SLC6A11: variants seen among roughly 807,000 people sequenced by gnomAD.
SLC6A11 encodes sodium- and chloride-dependent GABA transporter 3.
Under a neutral mutation model 74.8 loss-of-function variants are expected in SLC6A11, and 25 were observed. The ratio of observed to expected loss-of-function variants is 0.33; its 90% CI spans 0.24 to 0.47. The LOEUF (loss-of-function observed/expected upper bound fraction) is 0.47. Among genes scored for constraint, SLC6A11 ranks in the 20% least tolerant of loss-of-function variants. The probability of loss-of-function intolerance (pLI) is 1.00; values close to 1 mark genes in which losing one functional copy is unlikely to be tolerated. For synonymous variants in SLC6A11, 330 were observed against 330.2 expected, an observed-to-expected ratio of 1.00 and a Z score of 0.01; for missense variants, 574 against 837.0, an observed-to-expected ratio of 0.69 and a Z score of 3.88.
At chr3:10,865,928 A>T (rs2106597685) in intron 5 of SLC6A11, among the ~76,000 whole-genome samples, 1 of 152,340 alleles carries the variant, frequency 6.6e-6, no homozygotes, top group East Asian at 1.9e-4. Flanking sequence ...TTTGGTGAGA[A>T]ACAACAAAAC....
At chr3:10,846,145 A>G (rs76270317) in intron 5 of SLC6A11, among the ~76,000 whole-genome samples, 2,772 of 152,312 alleles carry the variant, frequency 0.018, 70 homozygotes, top group South Asian at 0.11. Context: ...GTGAATGCTG[A>G]GTAAGTGGCA....
At chr3:10,860,427 G>GCTC (rs1380404039) in intron 5 of SLC6A11, among the ~76,000 whole-genome samples, 1 of 152,212 alleles carries the variant, frequency 6.6e-6, no homozygotes, top group Non-Finnish European at 1.5e-5. Flanking sequence ...CTGGGAACAA[G>GCTC]TGGGACAGCC....
chr3:10,874,194 G>T (rs1336897361), intron 5 of SLC6A11, among the ~76,000 whole-genome samples: 1 of 152,238 alleles, frequency 6.6e-6, no homozygotes, highest in Non-Finnish European at 1.5e-5. Flanking sequence ...TTTAAAAAAA[G>T]AATACAATAG....
At chr3:10,870,690 AAG>A (rs1298358593) in intron 5 of SLC6A11, among the ~76,000 whole-genome samples, 1 of 152,202 alleles carries the variant, frequency 6.6e-6, no homozygotes, top group Non-Finnish European at 1.5e-5. Context: ...GTGGCTTTAA[AAG>A]AGCTATAGAC....
chr3:10,892,072 G>A (rs1225252213), intron 6 of SLC6A11, among the ~76,000 whole-genome samples: 1 of 152,232 alleles, frequency 6.6e-6, no homozygotes, highest in Non-Finnish European at 1.5e-5. Context: ...GATGATTTCT[G>A]ATATAGCACA....
intron 9 of SLC6A11, among the ~76,000 whole-genome samples, chr3:10,928,653 T>C (rs932871225): frequency 6.6e-6 from 1 of 152,020 alleles, no homozygotes; most frequent in Non-Finnish European, 1.5e-5. Flanking sequence ...GAGCTGGAAG[T>C]TGGCTCACCT....
intron 5 of SLC6A11, among the ~76,000 whole-genome samples, chr3:10,873,608 TG>T (rs1694864307): frequency 7.5e-6 from 1 of 133,962 alleles, no homozygotes; most frequent in East Asian, 2.5e-4. Context: ...TCCTATCCTA[TG>T]CCATGCTATC....
chr3:10,844,600 T>C (rs1277631758), intron 5 of SLC6A11, among the ~76,000 whole-genome samples: 2 of 152,148 alleles, frequency 1.3e-5, no homozygotes, highest in African/African-American at 4.8e-5. Flanking sequence ...GTCTGTCTTA[T>C]TGAGTTGAGA....
intron 1 of SLC6A11, among the ~76,000 whole-genome samples, chr3:10,817,554 A>G (rs928504070): frequency 1.3e-5 from 2 of 152,130 alleles, no homozygotes; most frequent in Non-Finnish European, 2.9e-5. Context: ...GTATCTGTAT[A>G]TTCTCTCTTC....
rs6783303 is a variant in SLC6A11 at position 10,873,971 on chromosome 3, T to C, written c.757-990T>C. Among the ~76,000 whole-genome samples, 565 of 130,486 alleles carry C rather than the reference T, an allele frequency of 4.3e-3. 4 individuals carry two copies. Among genetic ancestry groups the C allele is most frequent in the Non-Finnish European group, 5.9e-3 (373 of 63,306 alleles). 85.6% of individuals were successfully genotyped at this position (130,486 alleles called of 152,430 possible). ...TCCTATGCTATGCTACGCTATGCTA[T>C]GCTACGCTACGCTACGCTACGCTAT... On this transcript the variant is annotated intron_variant, in intron 5 of 13. Transcript: ENST00000254488.
chr3:10,866,260 C>T lies in SLC6A11; in HGVS notation c.757-8701C>T, dbSNP rs181720155. On this transcript the variant is annotated intron_variant, in intron 5 of 13. Coordinates refer to ENST00000254488, the MANE Select transcript of SLC6A11 (RefSeq NM_014229.3). ...TCCCTTTAAGGACTTGACCTGGAAGCTGTACCTGGCACCTTCATTTCTATC... is the reference window on the plus strand; with the variant it reads ...TCCCTTTAAGGACTTGACCTGGAAGTTGTACCTGGCACCTTCATTTCTATC... 6.2e-4 allele frequency among the ~76,000 whole-genome samples: 94 copies of T among 152,350 alleles called. 1 individual carries two copies. Among genetic ancestry groups the T allele is most frequent in the Non-Finnish European group, 1.0e-4 (7 of 68,040 alleles).
Position 10,938,306 on chromosome 3 carries a change from G to A in SLC6A11, c.1803G>A (p.Gly601=), listed in dbSNP as rs762096981. The change falls in exon 14 of 14, where the codon GGG becomes GGA. Residue 601 remains glycine, a synonymous_variant. Coordinates refer to ENST00000254488, the MANE Select transcript of SLC6A11 (RefSeq NM_014229.3). ...ATCTGAAAATGCGGGGCAAGCTTGG[G>A]GTGAGCCCACGGATGGTGACAGTTA... The part of the protein sequence containing the change: ...STDLKMRGKL[G]VSPRMVTVND... The A allele has an allele frequency of 1.9e-6, 3 of 1,613,002 alleles. No homozygotes were observed. The highest frequency in any genetic ancestry group is 1.1e-5 in the South Asian group (1 of 90,900).
rs1000959002 is a variant in SLC6A11, at chr3:10,918,254, T to G, written c.996-75T>G. On this transcript the variant is annotated intron_variant, in intron 7 of 13. Coordinates refer to ENST00000254488, the MANE Select transcript of SLC6A11 (RefSeq NM_014229.3). The surrounding 1 kb of genome is among the most constrained non-coding windows in gnomAD (Gnocchi z 4.5). Reference sequence around the variant, plus strand: ...CTGCCTCACAGGACAGCCATGGTGCTCGGGTGGAGAACGTTTGAGCCGTGC... The same window carrying G: ...CTGCCTCACAGGACAGCCATGGTGCGCGGGTGGAGAACGTTTGAGCCGTGC... The G allele has an allele frequency of 4.2e-5, 61 of 1,457,596 alleles. 1 individual carries two copies. The African/African-American group carries it at 8.2e-4, about 20-fold the overall frequency. 90.3% of individuals were successfully genotyped at this position (1,457,596 alleles called of 1,614,324 possible). A position where few individuals can be genotyped will look rare whatever the true frequency, so the allele number is the denominator to read the frequency against.
At chr3:10,818,008 A>G (rs1240703119) in intron 1 of SLC6A11, among the ~76,000 whole-genome samples, 1 of 152,190 alleles carries the variant, frequency 6.6e-6, no homozygotes, top group Non-Finnish European at 1.5e-5. Flanking sequence ...TGCCAAAACA[A>G]AAAGCATTCA....
chr3:10,920,447 A>T (rs553540727), intron 8 of SLC6A11, among the ~76,000 whole-genome samples: 2 of 152,204 alleles, frequency 1.3e-5, no homozygotes, highest in Non-Finnish European at 2.9e-5. Flanking sequence ...TCCATTTATA[A>T]TAAAGCATGA....
intron 5 of SLC6A11, among the ~76,000 whole-genome samples, chr3:10,847,169 C>T (rs1694514974): frequency 6.6e-6 from 1 of 152,136 alleles, no homozygotes. Flanking sequence ...ATAATTTGCT[C>T]AAGGACCCTC....
chr3:10,816,237 G>A lies in SLC6A11; in HGVS notation c.-29G>A. The A allele has an allele frequency of 1.6e-6, 2 of 1,286,880 alleles. No individual in the cohort carries two copies. The highest frequency in any genetic ancestry group is 2.0e-6 in the Non-Finnish European group (2 of 1,021,236). 79.7% of individuals were successfully genotyped at this position (1,286,880 alleles called of 1,614,324 possible). On this transcript the variant is annotated 5_prime_UTR_variant, in exon 1 of 14. Transcript: ENST00000254488. The surrounding 1 kb of genome is among the most constrained non-coding windows in gnomAD (Gnocchi z 4.2). ...CGCCCGGGGCGGCGGCGCAGAGCCG[G>A]GCCGGCGCACGAGGCAGCCAGCGCG...
intron 7 of SLC6A11, among the ~76,000 whole-genome samples, chr3:10,916,838 A>G (rs1442621635): frequency 1.3e-5 from 2 of 152,172 alleles, no homozygotes; most frequent in East Asian, 3.9e-4. Context: ...TTCGAAGAAA[A>G]AATATTGCAG....
chr3:10,821,041 C>G (rs868363124), intron 3 of SLC6A11, among the ~76,000 whole-genome samples: 1 of 152,176 alleles, frequency 6.6e-6, no homozygotes, highest in East Asian at 1.9e-4. Flanking sequence ...TACTCCCCTA[C>G]TCTGCCAACC....
Sources: gnomAD v4.1 joint callset for allele counts (sites outside exome capture counted in the v4.1 genomes callset) on GRCh38, gnomAD v4.1.1 for gene constraint, Gnocchi (gnomAD v3.1) non-coding constraint, MANE v1.5 for transcripts, NCBI Gene and HGNC (gene_info 2026-07-23, HGNC 2026-07-21) for gene names.